Variants in LPCAT3 observed in about 807,000 individuals in gnomAD.
LPCAT3 encodes the protein lysophospholipid acyltransferase 5.
LPCAT3 carries 21 observed loss-of-function variants against 63.4 expected under a neutral mutation model. The observed-to-expected ratio is 0.33, with a 90% CI of 0.23 to 0.48. The LOEUF (loss-of-function observed/expected upper bound fraction) is 0.48, where lower values mean the gene tolerates loss of function less well. Among genes scored for constraint, LPCAT3 ranks in the 20% least tolerant of loss-of-function variants. The probability of loss-of-function intolerance (pLI) is 0.99; values close to 1 mark genes in which losing one functional copy is unlikely to be tolerated. For synonymous variants in LPCAT3, 242 were observed against 227.5 expected, an observed-to-expected ratio of 1.06 and a Z score of -0.58; for missense variants, 451 against 590.6, an observed-to-expected ratio of 0.76 and a Z score of 2.45.
rs782045785 is a variant in LPCAT3 at position 6,977,321 on chromosome 12, G to A, written c.1347+46C>T. The A allele has an allele frequency of 6.2e-7, 1 of 1,612,876 alleles. No individual in the cohort carries two copies. The highest frequency in any genetic ancestry group is 2.2e-5 in the East Asian group (1 of 44,850). ...CTGGAGTGTCCTTTGCAACCTTTGAGGTTGCAGTGAGTCCCTCCCAGTCTC... is the reference window on the plus strand; with the variant it reads ...CTGGAGTGTCCTTTGCAACCTTTGAAGTTGCAGTGAGTCCCTCCCAGTCTC... On this transcript the variant is annotated intron_variant, in intron 11 of 12. Transcript: ENST00000261407. This position sits in a 1 kb window ranked among gnomAD's most constrained non-coding sequence, Gnocchi z 4.5.
chr12:7,011,647 CAAAA>C (rs1177972639), intron 1 of LPCAT3, among the ~76,000 whole-genome samples: 2 of 75,732 alleles, frequency 2.6e-5, no homozygotes, highest in Non-Finnish European at 5.5e-5. Flanking sequence ...CACCATGTCT[CAAAA>C]AAAAAAAAAA....
intron 1 of LPCAT3, among the ~76,000 whole-genome samples, chr12:7,011,604 C>T (rs1946764509): frequency 6.9e-6 from 1 of 144,252 alleles, no homozygotes; most frequent in South Asian, 2.2e-4. Context: ...GCTGAGATTG[C>T]ACCACTGCAC....
chr12:6,992,449 G>A (rs1028498264), intron 1 of LPCAT3, among the ~76,000 whole-genome samples: 5 of 152,182 alleles, frequency 3.3e-5, no homozygotes, highest in Admixed American at 1.3e-4. Context: ...TGGTGTCACC[G>A]TCCTGATTTG....
intron 1 of LPCAT3, among the ~76,000 whole-genome samples, chr12:6,996,424 A>G (rs782365667): frequency 6.6e-6 from 1 of 151,402 alleles, no homozygotes; most frequent in African/African-American, 2.4e-5. Context: ...TGCTTTTTCT[A>G]TTTTTCTTCT....
At chr12:7,014,678 C>T (rs1946785854) in intron 1 of LPCAT3, among the ~76,000 whole-genome samples, 1 of 151,888 alleles carries the variant, frequency 6.6e-6, no homozygotes, top group Admixed American at 6.6e-5. Context: ...AGGTGGATCA[C>T]GACGTCAGTA....
rs1946540726 is a variant in LPCAT3 at position 6,987,459 on chromosome 12, TG to T, written c.152-3921del. 6.6e-6 allele frequency among the ~76,000 whole-genome samples: 1 copy of T among 152,236 alleles called. No individual in the cohort carries two copies. The highest frequency in any genetic ancestry group is 1.5e-5 in the Non-Finnish European group (1 of 68,040). On this transcript the variant is annotated intron_variant, in intron 1 of 12. Transcript: ENST00000261407. The surrounding 1 kb of genome is among the most constrained non-coding windows in gnomAD (Gnocchi z 4.1). ...AGGATCAAGTCTCATATATTTCACA[TG>T]GGCAGAAATTTGGCAGAGACAGAAC...
intron 7 of LPCAT3, chr12:6,979,267 A>C (rs1167585366): frequency 6.8e-6 from 4 of 588,014 alleles, no homozygotes; most frequent in Non-Finnish European, 1.2e-5. Flanking sequence ...CACCTGGCAC[A>C]GCCCTGTGCC....
At chr12:6,979,319 A>C (rs184011370) in intron 7 of LPCAT3, 152 bp downstream of exon 7, 1 of 640,874 alleles carries the variant, frequency 1.6e-6, no homozygotes, top group East Asian at 2.7e-5. Flanking sequence ...ATGTCCCAGC[A>C]CGGCTGGCAT....
At chr12:7,006,672 G>A (rs1267754913) in intron 1 of LPCAT3, among the ~76,000 whole-genome samples, 4 of 152,150 alleles carry the variant, frequency 2.6e-5, no homozygotes, top group South Asian at 2.1e-4. Context: ...CTAGTAGTAC[G>A]GTTCAATATT....
intron 9 of LPCAT3, 86 bp downstream of exon 9, chr12:6,978,255 G>C: frequency 6.8e-7 from 1 of 1,466,028 alleles, no homozygotes; most frequent in Non-Finnish European, 9.2e-7. Context: ...AGACGCATAG[G>C]GGTGACATGG....
Position 7,018,371 on chromosome 12 carries a change from A to T in LPCAT3, c.54T>A (p.Val18=). 2 of 1,612,136 alleles carry T rather than the reference A, an allele frequency of 1.2e-6. No homozygotes were observed. The highest frequency in any genetic ancestry group is 1.1e-5 in the South Asian group (1 of 90,694). The change falls in exon 1 of 13, where the codon GTT becomes GTA. Residue 18 remains valine (V), a synonymous_variant. Coordinates refer to ENST00000261407, the MANE Select transcript of LPCAT3 (RefSeq NM_005768.6). The surrounding 1 kb of genome is among the most constrained non-coding windows in gnomAD (Gnocchi z 4.9). The part of the protein sequence containing the change: ...DEGTVVALAG[V]LQSGFQELSL... ...TCAGCTCCTGGAAACCCGACTGCAG[A>T]ACCCCCGCCAGCGCCACCACAGTCC...
intron 1 of LPCAT3, among the ~76,000 whole-genome samples, chr12:7,001,164 C>G (rs114338340): frequency 1.8e-3 from 281 of 151,894 alleles, no homozygotes; most frequent in African/African-American, 6.1e-3. Context: ...TGTGAATGTA[C>G]CCAGTACTCT....
At chr12:7,003,242 C>T (rs181464617) in intron 1 of LPCAT3, among the ~76,000 whole-genome samples, 1 of 151,786 alleles carries the variant, frequency 6.6e-6, no homozygotes, top group Admixed American at 6.6e-5. Flanking sequence ...AAACTTAAAA[C>T]AAGATTTTAA....
chr12:7,007,361 T>C (rs1946732481), intron 1 of LPCAT3, among the ~76,000 whole-genome samples: 1 of 150,592 alleles, frequency 6.6e-6, no homozygotes. Context: ...AGCAAATTCT[T>C]AATTGCCTGT....
chr12:7,001,007 G>A (rs1177182548), intron 1 of LPCAT3, among the ~76,000 whole-genome samples: 1 of 152,024 alleles, frequency 6.6e-6, no homozygotes, highest in Admixed American at 6.6e-5. Context: ...GCGCCCGGCC[G>A]AAAATTGAGT....
intron 1 of LPCAT3, among the ~76,000 whole-genome samples, chr12:7,000,663 T>C (rs1204705928): frequency 6.6e-6 from 1 of 151,534 alleles, no homozygotes; most frequent in Non-Finnish European, 1.5e-5. Context: ...CTTAAAATAC[T>C]TATGCATGTC....
intron 1 of LPCAT3, among the ~76,000 whole-genome samples, chr12:6,986,427 T>A (rs1216117548): frequency 2.6e-5 from 4 of 152,320 alleles, no homozygotes; most frequent in Non-Finnish European, 5.9e-5. Context: ...ACAAAATATA[T>A]GTTAATCAAC....
At position 6,978,633 on chromosome 12, in the gene LPCAT3, C is replaced by T. The variant is rs782790292; in HGVS notation, c.843G>A (p.Leu281=). Residue 281 remains leucine, a synonymous_variant, in exon 8 of 13, where the codon CTG becomes CTA. Coordinates refer to ENST00000261407, the MANE Select transcript of LPCAT3 (RefSeq NM_005768.6). ...CCAGCCAACAGGTGACATATTTGTA[C>T]AGCACAAACTTGCCCCAGATCAGCA... The part of the protein sequence containing the change: ...MYMLIWGKFV[L]YKYVTCWLVT... 4 of 1,614,040 alleles carry T rather than the reference C, an allele frequency of 2.5e-6. No homozygotes were observed. Among genetic ancestry groups the T allele is most frequent in the Admixed American group, 1.7e-5 (1 of 60,006 alleles).
intron 6 of LPCAT3, 119 bp from the exon 7 acceptor site, chr12:6,979,698 G>A (rs1946449766): frequency 2.9e-6 from 2 of 689,546 alleles, no homozygotes; most frequent in East Asian, 5.4e-5. Context: ...GGAATGGGAT[G>A]AGAAGCTCTG....
Sources: gnomAD v4.1 joint callset for allele counts (sites outside exome capture counted in the v4.1 genomes callset) on GRCh38, gnomAD v4.1.1 for gene constraint, Gnocchi (gnomAD v3.1) non-coding constraint, MANE v1.5 for transcripts, NCBI Gene and HGNC (gene_info 2026-07-23, HGNC 2026-07-21) for gene names.